RIMS3: variants seen among roughly 807,000 people sequenced by gnomAD.
RIMS3 encodes regulating synaptic membrane exocytosis 3, also known as regulating synaptic membrane exocytosis protein 3.
In RIMS3, 15 loss-of-function variants were observed where a neutral mutation model predicts 29.2. That is an observed-to-expected ratio of 0.51 (90% confidence interval 0.34 to 0.79). The LOEUF is 0.79. Among genes scored for constraint, RIMS3 ranks in the 30% least tolerant of loss-of-function variants. The pLI is 0.01. For synonymous variants in RIMS3, 161 were observed against 170.1 expected, an observed-to-expected ratio of 0.95 and a Z score of 0.41; for missense variants, 342 against 421.4, an observed-to-expected ratio of 0.81 and a Z score of 1.65.
chr1:40,628,711 C>G, intron 7 of RIMS3, 99 bp downstream of exon 7: 1 of 1,508,356 alleles, frequency 6.6e-7, no homozygotes, highest in South Asian at 1.1e-5. Flanking sequence ...AATGCACCTA[C>G]CACAGCACCT....
chr1:40,623,815 T>A lies in RIMS3; in HGVS notation c.*2702A>T. On this transcript the variant is annotated 3_prime_UTR_variant, in exon 8 of 8. Coordinates refer to ENST00000372684, the MANE Select transcript of RIMS3 (RefSeq NM_014747.3). ...TGATGCTGAGAAACAGACCCTTAAG[T>A]GCAGCCACACTGCATCACACAGACG... is the stretch of plus-strand genomic sequence containing the variant. 3.1e-6 allele frequency: 1 copy of A among 326,594 alleles called. No individual in the cohort carries two copies. The highest frequency in any genetic ancestry group is 2.1e-5 in the African/African-American group (1 of 47,332). 20.2% of individuals were successfully genotyped at this position (326,594 alleles called of 1,614,324 possible). A position where few individuals can be genotyped will look rare whatever the true frequency, so the allele number is the denominator to read the frequency against.
chr1:40,691,537 G>C, the RIMS3 span: 4 of 297,494 alleles, frequency 1.3e-5, no homozygotes, highest in South Asian at 9.4e-5. Flanking sequence ...CTCAGATCTC[G>C]AGCTCCCGAA....
chr1:40,691,739 G>A, the RIMS3 span: 6 of 455,366 alleles, frequency 1.3e-5, no homozygotes, highest in East Asian at 2.8e-4. Context: ...TTGTGCCCCC[G>A]CTTCGCGCGC....
chr1:40,647,101 G>A (rs576418616), intron 2 of RIMS3, among the ~76,000 whole-genome samples: 2 of 152,106 alleles, frequency 1.3e-5, no homozygotes, highest in South Asian at 2.1e-4. Context: ...GGCTGGTCTC[G>A]AACTCCTGAC....
chr1:40,673,967 T>G, the RIMS3 span, among the ~76,000 whole-genome samples: 1 of 152,134 alleles, frequency 6.6e-6, no homozygotes, highest in Admixed American at 6.5e-5. Flanking sequence ...TACGTACCAG[T>G]CAGATACATG....
rs1450621058 is a variant in RIMS3, at chr1:40,641,581, G to A, written c.217+128C>T. 5 of 860,288 alleles carry A rather than the reference G, an allele frequency of 5.8e-6. No individual in the cohort carries two copies. The East Asian group carries it at 1.3e-4, about 23-fold the overall frequency. 53.3% of individuals were successfully genotyped at this position (860,288 alleles called of 1,614,324 possible). On this transcript the variant is annotated intron_variant, in intron 3 of 7. Transcript: ENST00000372684. Reference sequence around the variant, plus strand: ...TACTGGACCTAGAACAGCACCTGGTGTATGGGAAGGGCCACAGTATAAGTG... The same window carrying A: ...TACTGGACCTAGAACAGCACCTGGTATATGGGAAGGGCCACAGTATAAGTG...
At chr1:40,642,900 G>A (rs1173948281) in intron 2 of RIMS3, among the ~76,000 whole-genome samples, 2 of 149,910 alleles carry the variant, frequency 1.3e-5, no homozygotes, top group Non-Finnish European at 1.5e-5. Context: ...AGGTAGCAGT[G>A]AGCCGAGATC....
rs1441435644 is a variant in RIMS3, at chr1:40,641,957, CT to C, written c.-31-2del. On this transcript the variant is annotated splice_acceptor_variant, in intron 2 of 7. Transcript: ENST00000372684. LOFTEE classifies it low-confidence loss of function (5UTR_SPLICE). ...CGGGGTGGCAGGGCCTCAGGCAGCT[CT>C]GAAGATGGGCAGGAAACAAAAGGAT... 6.3e-7 allele frequency: 1 copy of C among 1,579,422 alleles called. No homozygotes were observed. Among genetic ancestry groups the C allele is most frequent in the Admixed American group, 1.7e-5 (1 of 59,620 alleles).
intron 4 of RIMS3, among the ~76,000 whole-genome samples, chr1:40,634,704 A>G (rs482527): frequency 0.79 from 120,385 of 151,994 alleles, 48,332 homozygotes; most frequent in African/African-American, 0.9. Context: ...CACTTTGGGA[A>G]GCTGAGGTGG....
Position 40,628,961 on chromosome 1 carries a change from G to A in RIMS3, c.575-12C>T. The A allele has an allele frequency of 1.9e-6, 3 of 1,612,742 alleles. No individual in the cohort carries two copies. Among genetic ancestry groups the A allele is most frequent in the Non-Finnish European group, 2.5e-6 (3 of 1,180,002 alleles). On this transcript the variant is annotated splice_polypyrimidine_tract_variant and intron_variant, in intron 6 of 7. Transcript: ENST00000372684. ...CTTGATATAGGTGGCTAAGGGAGGAGAGAATGTATGACAGGGAGGGGTCCA... is the reference window on the plus strand; with the variant it reads ...CTTGATATAGGTGGCTAAGGGAGGAAAGAATGTATGACAGGGAGGGGTCCA...
At position 40,641,689 on chromosome 1, in the gene RIMS3, G is replaced by A. The variant is rs1646558525; in HGVS notation, c.217+20C>T. The A allele has an allele frequency of 1.9e-6, 3 of 1,612,920 alleles. No homozygotes were observed. The highest frequency in any genetic ancestry group is 2.5e-6 in the Non-Finnish European group (3 of 1,179,062). On this transcript the variant is annotated intron_variant, in intron 3 of 7. Transcript: ENST00000372684. ...GAAGTGTCCCCCACCTCTACCCCGT[G>A]ATGTCCCATGCCCCCTCACCAGGCT...
chr1:40,678,861 A>G, the RIMS3 span, among the ~76,000 whole-genome samples: 1 of 152,244 alleles, frequency 6.6e-6, no homozygotes, highest in African/African-American at 2.4e-5. Flanking sequence ...GGTGAAGACA[A>G]GAAAACAAGT....
chr1:40,690,551 A>C, the RIMS3 span: 2 of 152,224 alleles, frequency 1.3e-5, no homozygotes. Flanking sequence ...CAGATGAAGG[A>C]ATTGAGACTC....
intron 1 of RIMS3, among the ~76,000 whole-genome samples, chr1:40,663,780 C>T (rs1053252654): frequency 1.3e-5 from 2 of 152,142 alleles, no homozygotes; most frequent in African/African-American, 4.8e-5. Flanking sequence ...GGACCGTGGT[C>T]CCTGCTGGGT....
rs143781233 is a variant in RIMS3, at chr1:40,656,906, A to G, written c.-207+8488T>C. 1.2e-3 allele frequency among the ~76,000 whole-genome samples: 176 copies of G among 152,322 alleles called. 3 individuals carry two copies. Among genetic ancestry groups the G allele is most frequent in the African/African-American group, 4.1e-3 (171 of 41,580 alleles). On this transcript the variant is annotated intron_variant, in intron 1 of 7. Transcript: ENST00000372684. ...TCACTACGTGAGCTAATGTTAAGAA[A>G]TGGCACTGAAAGTCATCCCTGGTCC... is the stretch of plus-strand genomic sequence containing the variant.
chr1:40,683,967 T>C, the RIMS3 span, among the ~76,000 whole-genome samples: 2 of 152,196 alleles, frequency 1.3e-5, no homozygotes, highest in African/African-American at 4.8e-5. Context: ...ATTCATAGAG[T>C]TACAGTAGAT....
In RIMS3 at chr1:40,654,166, T is replaced by G. The variant is rs924047284; in HGVS notation, c.-206-6324A>C. ...CCCCTCCCCTTCCCGCCCCTCCCCC[T>G]CCCCGCCCCTCCCCCGCGCCGCTGA... is the stretch of plus-strand genomic sequence containing the variant. On this transcript the variant is annotated intron_variant, in intron 1 of 7. Transcript: ENST00000372684. This position sits in a 1 kb window ranked among gnomAD's most constrained non-coding sequence, Gnocchi z 5.3. 7.5e-5 allele frequency among the ~76,000 whole-genome samples: 1 copy of G among 13,246 alleles called. No homozygotes were observed. The highest frequency in any genetic ancestry group is 2.9e-4 in the African/African-American group (1 of 3,468). The allele number at this position is 13,246 out of a possible 152,430, so 8.7% of individuals were successfully genotyped here.
the RIMS3 span, among the ~76,000 whole-genome samples, chr1:40,685,395 T>A: frequency 2.3e-5 from 3 of 129,626 alleles, no homozygotes; most frequent in South Asian, 2.3e-4. Flanking sequence ...AATAAAAAAA[T>A]TTATTATGAG....
At chr1:40,688,499 G>A in the RIMS3 span, among the ~76,000 whole-genome samples, 1 of 152,112 alleles carries the variant, frequency 6.6e-6, no homozygotes, top group African/African-American at 2.4e-5. Context: ...CAAGCTCACA[G>A]AAACTTTTAT....
Sources: allele counts gnomAD v4.1 joint callset (sites outside exome capture counted in the v4.1 genomes callset), GRCh38; gene constraint gnomAD v4.1.1; non-coding constraint Gnocchi (gnomAD v3.1); transcripts MANE v1.5; gene names NCBI Gene and HGNC (gene_info 2026-07-23, HGNC 2026-07-21).